Variants in SH2D6 observed in about 807,000 individuals in gnomAD.
SH2D6 encodes the protein SH2 domain containing 6.
Under a neutral mutation model 30.2 loss-of-function variants are expected in SH2D6, and 31 were observed. That is an observed-to-expected ratio of 1.03 (90% CI 0.77 to 1.38). The LOEUF is 1.38. SH2D6 is among the 40% of genes most tolerant of loss of function. The probability of loss-of-function intolerance (pLI) is 0.00; values close to 1 mark genes in which losing one functional copy is unlikely to be tolerated. For synonymous variants in SH2D6, 93 were observed against 104.6 expected, an observed-to-expected ratio of 0.89 and a Z score of 0.68; for missense variants, 240 against 266.8, an observed-to-expected ratio of 0.90 and a Z score of 0.70.
chr2:85,420,769 C>G (rs1687721156), intron 2 of SH2D6: 1 of 152,318 alleles, frequency 6.6e-6, no homozygotes, highest in East Asian at 1.9e-4. Context: ...CACGCCCCTT[C>G]CACCGTCAGC....
intron 2 of SH2D6, chr2:85,421,925 T>G (rs1573203318): frequency 6.6e-6 from 1 of 152,340 alleles, no homozygotes; most frequent in South Asian, 2.1e-4. Context: ...CACCTGTGTA[T>G]CCTGTGTACT....
At chr2:85,424,719 T>C (rs1192510786) in intron 5 of SH2D6, among the ~76,000 whole-genome samples, 1 of 152,182 alleles carries the variant, frequency 6.6e-6, no homozygotes, top group Non-Finnish European at 1.5e-5. Flanking sequence ...CAGTGGTCTA[T>C]GGTCATGCCA....
In SH2D6 at chr2:85,435,114, A is replaced by C. The variant is rs773643899; in HGVS notation, c.639A>C (p.Ser213=). ...CTGTAGCCCCCACTGGGAGTGCCTC[A>C]GCTGCTGAGGTGAGGAGGGGCTGGG... ...LPSVAPTGSA[S]AAEDSDLLTQ... Residue 213 remains serine (S), a synonymous_variant, in exon 20 of 24, where the codon TCA becomes TCC. Transcript: ENST00000469800. 1 of 1,577,964 alleles carries C rather than the reference A, an allele frequency of 6.3e-7. No individual in the cohort carries two copies. Among genetic ancestry groups the C allele is most frequent in the Non-Finnish European group, 8.6e-7 (1 of 1,161,038 alleles).
At chr2:85,434,581 C>G in intron 19 of SH2D6, 84 bp downstream of exon 19, 1 of 1,461,080 alleles carries the variant, frequency 6.8e-7, no homozygotes, top group East Asian at 2.5e-5. Context: ...TTGTTCTACC[C>G]TTTCCCCACT....
At position 85,435,434 on chromosome 2, in the gene SH2D6, C is replaced by G. The variant is rs1689324010; in HGVS notation, c.670C>G (p.Pro224Ala). ...AAEDSDLLTQ[P>A]WYSGNCDRYA... ...ACAGGACAGTGATCTGCTGACTCAG[C>G]CTTGGTACTCGGGGAACTGTGACCG... Residue 224 changes from proline (P) to alanine (A), a missense_variant, in exon 21 of 24, where the codon CCT (proline) becomes GCT (alanine). By Grantham distance (27) the Pro-to-Ala change is conservative (BLOSUM62 -1). Coordinates refer to ENST00000469800, the MANE Select transcript of SH2D6 (RefSeq NM_001394463.1). The G allele has an allele frequency of 5.6e-6, 9 of 1,613,864 alleles. No individual in the cohort carries two copies. The East Asian group carries it at 2.0e-4, about 36-fold the overall frequency.
chr2:85,423,634 G>A (rs1215303635), intron 5 of SH2D6, among the ~76,000 whole-genome samples: 1 of 152,236 alleles, frequency 6.6e-6, no homozygotes, highest in Non-Finnish European at 1.5e-5. Context: ...GTGCACCAGG[G>A]AGGGATGGGG....
chr2:85,434,638 A>T, intron 19 of SH2D6, 141 bp downstream of exon 19: 1 of 1,210,880 alleles, frequency 8.3e-7, no homozygotes, highest in Non-Finnish European at 1.1e-6. Context: ...AAAAAAAACT[A>T]GGTGAATGCA....
chr2:85,423,341 C>T (rs1046792304), intron 5 of SH2D6, among the ~76,000 whole-genome samples: 10 of 152,182 alleles, frequency 6.6e-5, no homozygotes, highest in African/African-American at 2.2e-4. Flanking sequence ...AAGTGATTCT[C>T]CTGTCTCAGC....
chr2:85,435,261 T>A (rs957164093), intron 20 of SH2D6, 138 bp downstream of exon 20: 2 of 1,239,266 alleles, frequency 1.6e-6, no homozygotes, highest in Non-Finnish European at 2.3e-6. Context: ...CACCCCGCCG[T>A]GCCCCAGACA....
chr2:85,426,316 C>T (rs1014970953), intron 6 of SH2D6, among the ~76,000 whole-genome samples: 4 of 152,214 alleles, frequency 2.6e-5, no homozygotes, highest in African/African-American at 9.7e-5. Context: ...GTTCCAGGCT[C>T]ATAACTCCCA....
Position 85,422,256 on chromosome 2 carries a change from G to A in SH2D6, c.-523G>A, listed in dbSNP as rs1405133118. On this transcript the variant is annotated 5_prime_UTR_variant, in exon 3 of 24. Coordinates refer to ENST00000469800, the MANE Select transcript of SH2D6 (RefSeq NM_001394463.1). Reference sequence around the variant, plus strand: ...CACACCTGTGATCCCAACACTTTGGGAGGCTGAGGCAGGAGGATTGCTTGA... The same window carrying A: ...CACACCTGTGATCCCAACACTTTGGAAGGCTGAGGCAGGAGGATTGCTTGA... 1 of 151,976 alleles carries A rather than the reference G, an allele frequency of 6.6e-6. No individual in the cohort carries two copies. Among genetic ancestry groups the A allele is most frequent in the African/African-American group, 2.4e-5 (1 of 41,320 alleles). The allele number at this position is 151,976 out of a possible 1,614,324, so 9.4% of individuals were successfully genotyped here.
intron 21 of SH2D6, 38 bp downstream of exon 21, chr2:85,435,534 C>T (rs769449060): frequency 7.5e-6 from 12 of 1,605,952 alleles, no homozygotes; most frequent in Non-Finnish European, 1.0e-5. Flanking sequence ...TCCAAAACCC[C>T]TTTTGCTCAC....
rs755997787 is a variant in SH2D6 at position 85,436,631 on chromosome 2, C to T, written c.*12+37C>T. 6.0e-6 allele frequency: 9 copies of T among 1,492,006 alleles called. 1 individual carries two copies. In the South Asian group the frequency reaches 9.0e-5, roughly 15 times the overall value. The allele number at this position is 1,492,006 out of a possible 1,614,324, so 92.4% of individuals were successfully genotyped here. A position where few individuals can be genotyped will look rare whatever the true frequency, so the allele number is the denominator to read the frequency against. On this transcript the variant is annotated intron_variant, in intron 23 of 23. Coordinates refer to ENST00000469800, the MANE Select transcript of SH2D6 (RefSeq NM_001394463.1). ...CTTTGGCCCCAGTTTGCTTCTTGTC[C>T]CGCCCCACCTTGGGCTGTCTTCCTC...
intron 6 of SH2D6, among the ~76,000 whole-genome samples, chr2:85,427,618 C>T (rs970552092): frequency 6.6e-6 from 1 of 152,266 alleles, no homozygotes; most frequent in African/African-American, 2.4e-5. Context: ...GTGTCCAGAA[C>T]TTCCTACTGA....
At chr2:85,422,104 T>C (rs1687770473) in intron 2 of SH2D6, 99 bp from the exon 3 acceptor site, 1 of 152,052 alleles carries the variant, frequency 6.6e-6, no homozygotes, top group Non-Finnish European at 1.5e-5. Context: ...ATATTGCCAT[T>C]TTGGGGGTAA....
intron 5 of SH2D6, among the ~76,000 whole-genome samples, chr2:85,423,116 G>A (rs778170086): frequency 3.1e-4 from 47 of 152,218 alleles, no homozygotes; most frequent in Non-Finnish European, 6.6e-4. Context: ...TCGAACTCCT[G>A]ACCTCAGGTA....
rs1458541835 is a variant in SH2D6 at position 85,431,928 on chromosome 2, C to T, written c.339C>T (p.Ala113=). 1.3e-5 allele frequency: 2 copies of T among 152,690 alleles called. No individual in the cohort carries two copies. The highest frequency in any genetic ancestry group is 2.4e-5 in the African/African-American group (1 of 41,440). 9.5% of individuals were successfully genotyped at this position (152,690 alleles called of 1,614,324 possible). The part of the protein sequence containing the change: ...MLKGAVSLPV[A]GKQGPIFGRR... The stretch of plus-strand genomic sequence containing the variant: ...AGGGAGCAGTGAGCCTGCCGGTGGC[C>T]GGAAAGCAGGGACCTATCTTTGGGA... Residue 113 remains alanine (A), a synonymous_variant, in exon 14 of 24, where the codon GCC becomes GCT. Transcript: ENST00000469800.
intron 23 of SH2D6, 51 bp from the exon 24 acceptor site, chr2:85,436,786 C>G (rs147822177): frequency 5.5e-6 from 3 of 549,580 alleles, no homozygotes; most frequent in Non-Finnish European, 9.9e-6. Context: ...GAGCCTTCCA[C>G]TGCCCTCTCT....
intron 20 of SH2D6, 34 bp from the exon 21 acceptor site, chr2:85,435,379 T>C: frequency 2.5e-6 from 4 of 1,606,186 alleles, no homozygotes; most frequent in Non-Finnish European, 3.4e-6. Flanking sequence ...TTGAGTGCCC[T>C]GGCATGTTTC....
Sources: allele counts gnomAD v4.1 joint callset (sites outside exome capture counted in the v4.1 genomes callset), GRCh38; gene constraint gnomAD v4.1.1; transcripts MANE v1.5; gene names NCBI Gene and HGNC (gene_info 2026-07-23, HGNC 2026-07-21).